DOCK3: variants seen among roughly 807,000 people sequenced by gnomAD.
The protein encoded by DOCK3 is dedicator of cytokinesis 3, also known as dedicator of cytokinesis protein 3.
In DOCK3, 60 loss-of-function variants were observed where a neutral mutation model predicts 265.6. The ratio of observed to expected loss-of-function variants is 0.23; its 90% CI spans 0.18 to 0.28. The LOEUF (loss-of-function observed/expected upper bound fraction) is 0.28. Among genes scored for constraint, DOCK3 ranks in the 10% least tolerant of loss-of-function variants. The probability of loss-of-function intolerance (pLI) is 1.00; values close to 1 mark genes in which losing one functional copy is unlikely to be tolerated. For missense variants in DOCK3, 1,981 were observed against 2,594.3 expected (o/e 0.76, Z 5.14); for synonymous variants, 881 against 938.0 (o/e 0.94, Z 1.11).
intron 4 of DOCK3, among the ~76,000 whole-genome samples, chr3:50,893,992 AG>A (rs2048771281): frequency 1.6e-5 from 1 of 62,668 alleles, no homozygotes; most frequent in African/African-American, 6.5e-5. Flanking sequence ...GGGAGGGGGG[AG>A]GGGGGAGGGA....
intron 21 of DOCK3, among the ~76,000 whole-genome samples, chr3:51,240,492 T>C (rs2078561758): frequency 6.6e-6 from 1 of 152,212 alleles, no homozygotes; most frequent in African/African-American, 2.4e-5. Flanking sequence ...TCTTTGTTAA[T>C]TTTCTGTCTT....
At chr3:51,166,393 T>C (rs1419990953) in intron 12 of DOCK3, among the ~76,000 whole-genome samples, 1 of 152,194 alleles carries the variant, frequency 6.6e-6, no homozygotes, top group Non-Finnish European at 1.5e-5. Context: ...GCTGCTTGTT[T>C]CCATATCATG....
intron 5 of DOCK3, among the ~76,000 whole-genome samples, chr3:50,941,855 T>C (rs752952101): frequency 9.9e-5 from 15 of 152,076 alleles, no homozygotes; most frequent in Non-Finnish European, 1.6e-4. Context: ...AGTGACAAAA[T>C]TATAGCAATT....
chr3:50,968,899 A>G (rs890727971), intron 5 of DOCK3, among the ~76,000 whole-genome samples: 2 of 152,228 alleles, frequency 1.3e-5, no homozygotes, highest in Admixed American at 6.5e-5. Context: ...GTGTCCTGAT[A>G]TATAGCCCAT....
chr3:50,848,062 C>CTT (rs35644889), intron 3 of DOCK3, among the ~76,000 whole-genome samples: 5 of 151,548 alleles, frequency 3.3e-5, no homozygotes, highest in Admixed American at 6.6e-5. Context: ...CTTCTTTGTC[C>CTT]TTTTTTTATT....
At chr3:50,775,909 C>CATTA (rs2041568401) in intron 1 of DOCK3, among the ~76,000 whole-genome samples, 1 of 152,076 alleles carries the variant, frequency 6.6e-6, no homozygotes, top group Non-Finnish European at 1.5e-5. Context: ...CTGCAAAAGA[C>CATTA]ATTATTTTGT....
chr3:50,828,008 C>G (rs1029593945), intron 2 of DOCK3, among the ~76,000 whole-genome samples: 2 of 150,136 alleles, frequency 1.3e-5, no homozygotes, highest in African/African-American at 4.9e-5. Flanking sequence ...TGCAGTGGTG[C>G]GATCTCGGCT....
At chr3:50,992,683 A>G (rs2078150605) in intron 5 of DOCK3, among the ~76,000 whole-genome samples, 1 of 152,206 alleles carries the variant, frequency 6.6e-6, no homozygotes. Flanking sequence ...AGATAAATGT[A>G]ATTGGGAATG....
intron 12 of DOCK3, among the ~76,000 whole-genome samples, chr3:51,182,123 C>G (rs1184836156): frequency 6.6e-6 from 1 of 152,024 alleles, no homozygotes; most frequent in Non-Finnish European, 1.5e-5. Context: ...AGGTGCCTTC[C>G]CAGTAGAGCT....
At chr3:50,777,473 A>C (rs1165025616) in intron 1 of DOCK3, among the ~76,000 whole-genome samples, 1 of 152,118 alleles carries the variant, frequency 6.6e-6, no homozygotes. Context: ...TTTGATGGGA[A>C]TTGCATCGAA....
At chr3:50,770,763 C>A (rs1480197496) in intron 1 of DOCK3, among the ~76,000 whole-genome samples, 1 of 152,132 alleles carries the variant, frequency 6.6e-6, no homozygotes, top group Admixed American at 6.5e-5. Context: ...TAACCCTAAC[C>A]CTAACCGTAC....
At position 51,355,016 on chromosome 3, in the gene DOCK3, T is replaced by G. The variant is rs1484966091; in HGVS notation, c.4242T>G (p.Asp1414Glu). 1 of 1,613,632 alleles carries G rather than the reference T, an allele frequency of 6.2e-7. No individual in the cohort carries two copies. Among genetic ancestry groups the G allele is most frequent in the Non-Finnish European group, 8.5e-7 (1 of 1,179,716 alleles). The change falls in exon 41 of 53, where the codon GAT becomes GAG. Residue 1414 changes from aspartate to glutamate, a missense_variant. Asp to Glu is a conservative substitution (Grantham distance 45, BLOSUM62 2). Around this residue, in one of 4 missense-constraint regions of DOCK3, gnomAD observed 1,357 missense variants for 1,866.8 expected, o/e 0.73. Transcript: ENST00000266037. ...NHPDDAILQC[D>E]AQYLQIYAVT... ...CTGATGACGCCATCCTACAGTGCGA[T>G]GCCCAGTGTATCCTTTGATACTGGG...
At chr3:51,261,401 A>G (rs957765004) in intron 23 of DOCK3, among the ~76,000 whole-genome samples, 9 of 152,146 alleles carry the variant, frequency 5.9e-5, no homozygotes, top group South Asian at 2.1e-4. Context: ...CGCTTTTCCC[A>G]TGGTCTTTGC....
intron 27 of DOCK3, among the ~76,000 whole-genome samples, chr3:51,308,042 G>A (rs35736811): frequency 0.017 from 2,610 of 151,910 alleles, 43 homozygotes; most frequent in Non-Finnish European, 0.025. Context: ...GGGGGGTCAG[G>A]ACTTTTTGTA....
chr3:50,770,346 A>G (rs971292615), intron 1 of DOCK3, among the ~76,000 whole-genome samples: 3 of 152,290 alleles, frequency 2.0e-5, no homozygotes, highest in Admixed American at 6.5e-5. Context: ...CTCAGTTACA[A>G]TAGTTACACA....
At chr3:51,078,295 C>T (rs1317058208) in intron 7 of DOCK3, among the ~76,000 whole-genome samples, 1 of 152,062 alleles carries the variant, frequency 6.6e-6, no homozygotes, top group Admixed American at 6.5e-5. Context: ...GAAAAATCTC[C>T]CTGAAAACAG....
intron 5 of DOCK3, among the ~76,000 whole-genome samples, chr3:51,063,054 A>C (rs1175640659): frequency 6.6e-6 from 1 of 152,182 alleles, no homozygotes; most frequent in Non-Finnish European, 1.5e-5. Flanking sequence ...AACATCTTCT[A>C]GTTAAAAATA....
intron 9 of DOCK3, among the ~76,000 whole-genome samples, chr3:51,126,288 C>G (rs1195105661): frequency 2.0e-5 from 3 of 152,196 alleles, no homozygotes; most frequent in African/African-American, 7.2e-5. Context: ...GTGCATTTTT[C>G]TACACCAGGC....
intron 5 of DOCK3, among the ~76,000 whole-genome samples, chr3:50,985,950 T>C (rs1047226904): frequency 6.6e-6 from 1 of 152,084 alleles, no homozygotes; most frequent in Non-Finnish European, 1.5e-5. Flanking sequence ...TTTAAAAATT[T>C]TATGCCAATA....
Sources: allele counts gnomAD v4.1 joint callset (sites outside exome capture counted in the v4.1 genomes callset), GRCh38; gene constraint gnomAD v4.1.1; regional missense constraint gnomAD v4.1.1; transcripts MANE v1.5; gene names NCBI Gene and HGNC (gene_info 2026-07-23, HGNC 2026-07-21).